UNC5C: variants seen among roughly 807,000 people sequenced by gnomAD.
The protein encoded by UNC5C is unc-5 netrin receptor C.
A neutral mutation model predicts 99.8 loss-of-function variants in UNC5C; 47 were observed. The observed-to-expected ratio is 0.47, with a 90% CI of 0.37 to 0.60. UNC5C has a LOEUF of 0.60. UNC5C is among the 20% of genes least tolerant of loss of function. UNC5C has a pLI of 0.00. For synonymous variants in UNC5C, 487 were observed against 452.2 expected, an observed-to-expected ratio of 1.08 and a Z score of -0.98; for missense variants, 1,062 against 1,165.9, an observed-to-expected ratio of 0.91 and a Z score of 1.30.
chr4:95,205,125 C>T (rs763313544), intron 11 of UNC5C, among the ~76,000 whole-genome samples: 5 of 152,146 alleles, frequency 3.3e-5, no homozygotes, highest in African/African-American at 9.7e-5. Flanking sequence ...ACGATGCCCA[C>T]GTCCCAGTCA....
In UNC5C at chr4:95,352,309, G is replaced by A. The variant is rs117713693; in HGVS notation, c.125-16678C>T. ...CACACCAAACTCATTTCCACCCTAG[G>A]GTATTCACACTTGCCCTTCACTTCT... On this transcript the variant is annotated intron_variant, in intron 1 of 15. Transcript: ENST00000453304. 2.9e-4 allele frequency among the ~76,000 whole-genome samples: 44 copies of A among 152,114 alleles called. No homozygotes were observed. The East Asian group carries it at 6.6e-3, about 23-fold the overall frequency.
At chr4:95,377,023 T>C (rs1408851576) in intron 1 of UNC5C, among the ~76,000 whole-genome samples, 1 of 152,142 alleles carries the variant, frequency 6.6e-6, no homozygotes, top group Non-Finnish European at 1.5e-5. Flanking sequence ...TATTTAACAC[T>C]AGACACACTG....
chr4:95,471,053 T>A (rs1267061505), intron 1 of UNC5C, among the ~76,000 whole-genome samples: 1 of 151,942 alleles, frequency 6.6e-6, no homozygotes, highest in African/African-American at 2.4e-5. Context: ...AATTAGGAAA[T>A]TTGGAAATAT....
At position 95,216,555 on chromosome 4, in the gene UNC5C, A is replaced by T. The variant is rs55691646; in HGVS notation, c.1646-344T>A. On this transcript the variant is annotated intron_variant, in intron 9 of 15. Transcript: ENST00000453304. Reference sequence around the variant, plus strand: ...TGATGCATCATTTCCATTTTTTTTTAAAATCCCCACAAGATTCAAAGTCAG... The same window carrying T: ...TGATGCATCATTTCCATTTTTTTTTTAAATCCCCACAAGATTCAAAGTCAG... Among the ~76,000 whole-genome samples, 484 of 149,156 alleles carry T rather than the reference A, an allele frequency of 3.2e-3. 2 individuals are homozygous for T. The highest frequency in any genetic ancestry group is 3.3e-3 in the Non-Finnish European group (221 of 66,590).
chr4:95,294,235 T>C (rs1368698068), intron 3 of UNC5C, among the ~76,000 whole-genome samples: 1 of 152,218 alleles, frequency 6.6e-6, no homozygotes, highest in Non-Finnish European at 1.5e-5. Context: ...TGGACGCTGC[T>C]GTTTTAGACA....
chr4:95,268,420 A>G (rs912737271), intron 4 of UNC5C, among the ~76,000 whole-genome samples: 9 of 152,234 alleles, frequency 5.9e-5, no homozygotes, highest in African/African-American at 2.2e-4. Context: ...AATTCTTTGC[A>G]GAGATACTTC....
chr4:95,190,198 G>A (rs1450899087), intron 12 of UNC5C, among the ~76,000 whole-genome samples: 3 of 152,158 alleles, frequency 2.0e-5, no homozygotes, highest in Non-Finnish European at 4.4e-5. Context: ...TAGGGACATG[G>A]ATGAAGCTGG....
intron 1 of UNC5C, among the ~76,000 whole-genome samples, chr4:95,520,241 TGTC>T (rs1366617562): frequency 4.6e-5 from 7 of 152,226 alleles, no homozygotes; most frequent in Admixed American, 2.6e-4. Context: ...ATTGATATTT[TGTC>T]GTGTCATTCT....
chr4:95,218,962 G>T lies in UNC5C; in HGVS notation c.1645+7C>A. The T allele has an allele frequency of 6.3e-7, 1 of 1,585,448 alleles. No individual in the cohort carries two copies. The highest frequency in any genetic ancestry group is 8.6e-7 in the Non-Finnish European group (1 of 1,164,398). On this transcript the variant is annotated splice_region_variant and intron_variant, in intron 9 of 15. Coordinates refer to ENST00000453304, the MANE Select transcript of UNC5C (RefSeq NM_003728.4). Reference sequence around the variant, plus strand: ...GCCTCTTTGCAATTTAAACCTCTAGGAATTACCTGAATTGGGAACAATAAG... The same window carrying T: ...GCCTCTTTGCAATTTAAACCTCTAGTAATTACCTGAATTGGGAACAATAAG...
At chr4:95,317,375 G>A (rs1742515797) in intron 2 of UNC5C, among the ~76,000 whole-genome samples, 1 of 152,208 alleles carries the variant, frequency 6.6e-6, no homozygotes, top group Non-Finnish European at 1.5e-5. Context: ...GAGAGCGGCT[G>A]CATTAACAAC....
chr4:95,292,562 C>A (rs1342723596), intron 3 of UNC5C, among the ~76,000 whole-genome samples: 1 of 151,956 alleles, frequency 6.6e-6, no homozygotes, highest in African/African-American at 2.4e-5. Flanking sequence ...GTGGACCTTA[C>A]TTTCTAAGGG....
chr4:95,515,360 G>A, intron 1 of UNC5C, among the ~76,000 whole-genome samples: 1 of 152,090 alleles, frequency 6.6e-6, no homozygotes, highest in East Asian at 1.9e-4. Context: ...GAATGTTAAG[G>A]GTTTGCCCAA....
intron 1 of UNC5C, among the ~76,000 whole-genome samples, chr4:95,476,354 A>G (rs1450989296): frequency 6.6e-6 from 1 of 152,022 alleles, no homozygotes; most frequent in African/African-American, 2.4e-5. Flanking sequence ...CCTGGCATCT[A>G]CCATCTCCAC....
chr4:95,342,780 G>A (rs1305434191), intron 1 of UNC5C, among the ~76,000 whole-genome samples: 1 of 151,892 alleles, frequency 6.6e-6, no homozygotes, highest in East Asian at 1.9e-4. Flanking sequence ...AACTGCCCTG[G>A]GCCAAAGGGG....
intron 1 of UNC5C, among the ~76,000 whole-genome samples, chr4:95,485,775 A>G (rs1721310417): frequency 6.6e-6 from 1 of 151,720 alleles, no homozygotes; most frequent in Non-Finnish European, 1.5e-5. Flanking sequence ...ATCCAGCTAT[A>G]GTTTTAAAAT....
At chr4:95,388,915 A>G (rs749488676) in intron 1 of UNC5C, among the ~76,000 whole-genome samples, 15 of 152,206 alleles carry the variant, frequency 9.9e-5, no homozygotes, top group Non-Finnish European at 1.5e-4. Context: ...AATGGCAACT[A>G]GTAAGCCTAT....
chr4:95,294,347 G>A (rs1244426824), intron 3 of UNC5C, among the ~76,000 whole-genome samples: 1 of 152,204 alleles, frequency 6.6e-6, no homozygotes, highest in African/African-American at 2.4e-5. Flanking sequence ...TGATGAGTGA[G>A]CTGTGAGAGG....
chr4:95,523,209 T>C (rs1404050930), intron 1 of UNC5C, among the ~76,000 whole-genome samples: 1 of 152,136 alleles, frequency 6.6e-6, no homozygotes, highest in Non-Finnish European at 1.5e-5. Context: ...CCAACAGAAT[T>C]GTTCTCACCT....
chr4:95,169,104 G>A lies in UNC5C; in HGVS notation c.*130C>T, dbSNP rs548262467. The A allele has an allele frequency of 2.8e-5, 32 of 1,159,956 alleles. No individual in the cohort carries two copies. The South Asian group carries it at 4.6e-4, about 17-fold the overall frequency. The allele number at this position is 1,159,956 out of a possible 1,614,324, so 71.9% of individuals were successfully genotyped here. ...GGGCAGTTGTATCTGTTTTCCTTCT[G>A]GCTCCTGCTGCAGTCTTGCCTGTGA... On this transcript the variant is annotated 3_prime_UTR_variant, in exon 16 of 16. Coordinates refer to ENST00000453304, the MANE Select transcript of UNC5C (RefSeq NM_003728.4).
Sources: gnomAD v4.1 joint callset for allele counts (sites outside exome capture counted in the v4.1 genomes callset) on GRCh38, gnomAD v4.1.1 for gene constraint, MANE v1.5 for transcripts, NCBI Gene and HGNC (gene_info 2026-07-23, HGNC 2026-07-21) for gene names.